Variants in GPM6A observed in about 807,000 individuals in gnomAD.
GPM6A encodes glycoprotein M6A, also known as neuronal membrane glycoprotein M6-a.
A neutral mutation model predicts 32.1 loss-of-function variants in GPM6A; 7 were observed. The ratio of observed to expected loss-of-function variants is 0.22; its 90% CI spans 0.12 to 0.41. The LOEUF (loss-of-function observed/expected upper bound fraction) is 0.41, where lower values mean the gene tolerates loss of function less well. Among genes scored for constraint, GPM6A ranks in the 10% least tolerant of loss-of-function variants. The pLI is 1.00. For synonymous variants in GPM6A, 130 were observed against 123.4 expected (o/e 1.05, Z -0.35); for missense variants, 235 against 347.2 (o/e 0.68, Z 2.57).
At chr4:175,834,498 C>A (rs562450704) in intron 1 of GPM6A, among the ~76,000 whole-genome samples, 2 of 152,156 alleles carry the variant, frequency 1.3e-5, no homozygotes, top group Non-Finnish European at 2.9e-5. Flanking sequence ...ATTTTCTCTT[C>A]TTTACTCCTT....
chr4:176,001,990 G>T (rs950314277), intron 1 of GPM6A, among the ~76,000 whole-genome samples: 5 of 152,098 alleles, frequency 3.3e-5, no homozygotes, highest in Admixed American at 6.5e-5. Flanking sequence ...CCCCCAGCAC[G>T]GTAGACCGGA....
At chr4:175,984,564 A>T (rs12640996) in intron 1 of GPM6A, among the ~76,000 whole-genome samples, 100,370 of 152,044 alleles carry the variant, frequency 0.66, 36,406 homozygotes, top group Non-Finnish European at 0.81. Context: ...AAAAAATCCA[A>T]CCTGTTTTTC....
intron 1 of GPM6A, among the ~76,000 whole-genome samples, chr4:175,904,830 AAG>A (rs1579613978): frequency 6.6e-6 from 1 of 152,114 alleles, no homozygotes; most frequent in Admixed American, 6.6e-5. Flanking sequence ...AAAGTAACCA[AAG>A]AAGTTATTTT....
intron 1 of GPM6A, among the ~76,000 whole-genome samples, chr4:175,875,177 C>A (rs948119437): frequency 6.6e-6 from 1 of 152,184 alleles, no homozygotes; most frequent in African/African-American, 2.4e-5. Context: ...AGCAGCTGTG[C>A]CCTGACAGGT....
At chr4:175,791,124 T>C (rs370218212) in intron 1 of GPM6A, among the ~76,000 whole-genome samples, 1 of 152,206 alleles carries the variant, frequency 6.6e-6, no homozygotes, top group Non-Finnish European at 1.5e-5. Flanking sequence ...ATGTTATGCA[T>C]AGGCTCTATC....
chr4:175,911,742 T>C (rs74541772), intron 1 of GPM6A, among the ~76,000 whole-genome samples: 1,745 of 152,244 alleles, frequency 0.011, 39 homozygotes, highest in African/African-American at 0.04. Context: ...ACTAGGATTA[T>C]ATGTACGAAG....
intron 1 of GPM6A, among the ~76,000 whole-genome samples, chr4:175,823,794 C>T (rs971881310): frequency 6.6e-6 from 1 of 152,108 alleles, no homozygotes; most frequent in African/African-American, 2.4e-5. Flanking sequence ...TTTAGGTAAC[C>T]TAAAAATTCT....
intron 1 of GPM6A, among the ~76,000 whole-genome samples, chr4:175,999,119 A>G (rs1268683877): frequency 1.3e-5 from 2 of 152,218 alleles, no homozygotes; most frequent in African/African-American, 4.8e-5. Context: ...AAACTAAATC[A>G]TATTCAACAT....
chr4:175,856,800 T>C (rs1688066346), intron 1 of GPM6A, among the ~76,000 whole-genome samples: 1 of 152,152 alleles, frequency 6.6e-6, no homozygotes. Flanking sequence ...TCTTCTCTCC[T>C]CTGCTGTACC....
intron 1 of GPM6A, among the ~76,000 whole-genome samples, chr4:175,734,432 T>A (rs1036525221): frequency 6.6e-6 from 1 of 152,026 alleles, no homozygotes. Context: ...CCACAATGAG[T>A]AGTGAACAAA....
chr4:175,797,938 T>G (rs1027215409), intron 1 of GPM6A, among the ~76,000 whole-genome samples: 8 of 152,144 alleles, frequency 5.3e-5, no homozygotes, highest in Admixed American at 2.0e-4. Flanking sequence ...AGACTCTAAG[T>G]GTGGTTCCAG....
At chr4:175,838,146 C>A (rs1735831655) in intron 1 of GPM6A, among the ~76,000 whole-genome samples, 1 of 149,608 alleles carries the variant, frequency 6.7e-6, no homozygotes, top group Non-Finnish European at 1.5e-5. Flanking sequence ...CACACGCACC[C>A]CTGTAATAAT....
chr4:175,647,010 C>T (rs1369886679), intron 4 of GPM6A, among the ~76,000 whole-genome samples: 1 of 152,316 alleles, frequency 6.6e-6, no homozygotes, highest in Non-Finnish European at 1.5e-5. Context: ...TTCTGTGTGG[C>T]GAGCACTGTG....
intron 4 of GPM6A, among the ~76,000 whole-genome samples, chr4:175,651,377 TTTA>T (rs1298088352): frequency 1.3e-5 from 2 of 151,972 alleles, no homozygotes. Flanking sequence ...TTTTTTTGTT[TTTA>T]TTATTATTAA....
At chr4:175,736,915 A>C (rs934245715) in intron 1 of GPM6A, among the ~76,000 whole-genome samples, 2 of 152,322 alleles carry the variant, frequency 1.3e-5, no homozygotes, top group African/African-American at 2.4e-5. Context: ...TTAGTCACAT[A>C]TCTTTGGTGA....
At chr4:175,961,361 T>C (rs1264801592) in intron 1 of GPM6A, 5 of 152,136 alleles carry the variant, frequency 3.3e-5, no homozygotes, top group Non-Finnish European at 7.4e-5. Context: ...AATAGAAAGC[T>C]GAATAAATTA....
chr4:175,893,555 T>C (rs1737709348), intron 1 of GPM6A, among the ~76,000 whole-genome samples: 1 of 152,156 alleles, frequency 6.6e-6, no homozygotes, highest in African/African-American at 2.4e-5. Flanking sequence ...TCTTGTTCTA[T>C]TCTTCCTCCT....
intron 1 of GPM6A, among the ~76,000 whole-genome samples, chr4:175,954,150 C>A (rs1424608293): frequency 6.6e-6 from 1 of 152,148 alleles, no homozygotes; most frequent in African/African-American, 2.4e-5. Flanking sequence ...AGACACTAGT[C>A]ACATGTGGCT....
intron 3 of GPM6A, among the ~76,000 whole-genome samples, chr4:175,655,394 A>G (rs1742022082): frequency 1.3e-5 from 2 of 152,080 alleles, no homozygotes; most frequent in South Asian, 4.1e-4. Context: ...TTGAAGAATT[A>G]TTCAAATTGA....
Sources: allele counts gnomAD v4.1 joint callset (sites outside exome capture counted in the v4.1 genomes callset), GRCh38; gene constraint gnomAD v4.1.1; transcripts MANE v1.5; gene names NCBI Gene and HGNC (gene_info 2026-07-23, HGNC 2026-07-21).